Variants in TSC2 observed in about 807,000 individuals in gnomAD.
TSC2 encodes tuberin.
In TSC2, 29 loss-of-function variants were observed where a neutral mutation model predicts 202.2. That is an observed-to-expected ratio of 0.14 (90% CI 0.11 to 0.20). The LOEUF (loss-of-function observed/expected upper bound fraction) is 0.20, where lower values mean the gene tolerates loss of function less well. Among genes scored for constraint, TSC2 ranks in the 10% least tolerant of loss-of-function variants. The pLI, the probability that TSC2 is intolerant of heterozygous loss-of-function variation, is 1.00. For missense variants in TSC2, 2,429 were observed against 2,420.0 expected (o/e 1.00, Z -0.08); for synonymous variants, 1,349 against 1,044.0 (o/e 1.29, Z -5.63).
chr16:2,053,582 T>C, intron 4 of TSC2, 130 bp downstream of exon 4: 1 of 919,584 alleles, frequency 1.1e-6, no homozygotes, highest in Non-Finnish European at 1.7e-6. Flanking sequence ...TGATGGGCTC[T>C]GGAGCTGGAT....
rs56279647 is a variant in TSC2 at position 2,088,881 on chromosome 16, G to GCACACACA, written c.*282_*289dup. The GCACACACA allele has an allele frequency of 2.2e-4, 94 of 421,462 alleles. No individual in the cohort carries two copies. The East Asian group carries it at 2.8e-3, about 13-fold the overall frequency. The allele number at this position is 421,462 out of a possible 1,614,324, so 26.1% of individuals were successfully genotyped here. ...ACAGCACACTCGCGCGTGCGCGCGCGCACACACACACACACACAGTCACCT... is the reference window on the plus strand; with the variant it reads ...ACAGCACACTCGCGCGTGCGCGCGCGCACACACACACACACACACACACACAGTCACCT... On this transcript the variant is annotated 3_prime_UTR_variant, in exon 42 of 42. Coordinates refer to ENST00000219476, the MANE Select transcript of TSC2 (RefSeq NM_000548.5).
chr16:2,082,324 G>C, intron 31 of TSC2, 112 bp from the exon 32 acceptor site: 1 of 1,311,320 alleles, frequency 7.6e-7, no homozygotes, highest in Non-Finnish European at 1.1e-6. Context: ...CGCCCCTGCC[G>C]GCCGCTGGCC....
At chr16:2,069,235 C>T (rs1567452313) in intron 16 of TSC2, among the ~76,000 whole-genome samples, 1 of 152,180 alleles carries the variant, frequency 6.6e-6, no homozygotes, top group Non-Finnish European at 1.5e-5. Context: ...TGTGAACCCC[C>T]ACCTCCACCT....
chr16:2,079,398 CGGG>C lies in TSC2; in HGVS notation c.3257_3259del (p.Gly1086del), dbSNP rs137854302. The C allele has an allele frequency of 5.0e-6, 8 of 1,612,784 alleles. No homozygotes were observed. The highest frequency in any genetic ancestry group is 2.2e-5 in the East Asian group (1 of 44,874). The stretch of plus-strand genomic sequence containing the variant: ...ACCCGGTCGTTACTAGGCCTGGACT[CGGG>C]GGAGCTGCAGTCCGGCCCGGAGTCG... On this transcript the variant is annotated inframe_deletion, in exon 28 of 42. Coordinates refer to ENST00000219476, the MANE Select transcript of TSC2 (RefSeq NM_000548.5). The surrounding 1 kb of genome is among the most constrained non-coding windows in gnomAD (Gnocchi z 4.6).
chr16:2,087,731 C>T lies in TSC2; in HGVS notation c.4990-132C>T, dbSNP rs2091017821. The T allele has an allele frequency of 3.4e-6, 4 of 1,163,894 alleles. No individual in the cohort carries two copies. In the Admixed American group the frequency reaches 6.0e-5, roughly 17 times the overall value. 72.1% of individuals were successfully genotyped at this position (1,163,894 alleles called of 1,614,324 possible). A position where few individuals can be genotyped will look rare whatever the true frequency, so the allele number is the denominator to read the frequency against. On this transcript the variant is annotated intron_variant, in intron 38 of 41. Transcript: ENST00000219476. ...GGCCAGACAAACACAGCCCCGCTGC[C>T]AGAGGGGAAAGTTCAGGGGCAGATG...
intron 41 of TSC2, 43 bp from the exon 42 acceptor site, chr16:2,088,403 C>T (rs1336831986): frequency 1.9e-6 from 3 of 1,612,504 alleles, no homozygotes; most frequent in Admixed American, 3.3e-5. Context: ...AGAGCGGTTG[C>T]CACGCCTCCC....
chr16:2,067,150 A>G (rs1000849074), intron 16 of TSC2, among the ~76,000 whole-genome samples: 1 of 150,780 alleles, frequency 6.6e-6, no homozygotes, highest in Non-Finnish European at 1.5e-5. Flanking sequence ...GAAAGTGGTG[A>G]TGATTTTTTT....
At chr16:2,070,392 G>A (rs976976716) in intron 16 of TSC2, 64 bp from the exon 17 acceptor site, 4 of 1,612,820 alleles carry the variant, frequency 2.5e-6, no homozygotes, top group Non-Finnish European at 3.4e-6. Flanking sequence ...CCGGGACAAG[G>A]GTGCTGTCTT....
At chr16:2,083,291 C>A in intron 32 of TSC2, 1 of 458,340 alleles carries the variant, frequency 2.2e-6, no homozygotes. Flanking sequence ...TGTTTGCAAA[C>A]AGGGACTTCC....
rs9933952 is a variant in TSC2 at position 2,080,547 on chromosome 16, A to C, written c.3610+170A>C. On this transcript the variant is annotated intron_variant, in intron 30 of 41. Transcript: ENST00000219476. Reference sequence around the variant, plus strand: ...GGCCCACGCTGGAACGCAGTGGCGCAATCTCGGCTCACTGCAAGCTCCACC... The same window carrying C: ...GGCCCACGCTGGAACGCAGTGGCGCCATCTCGGCTCACTGCAAGCTCCACC... 9,853 of 753,366 alleles carry C rather than the reference A, an allele frequency of 0.013. 699 individuals carry two copies. The African/African-American group carries it at 0.15, about 12-fold the overall frequency. 46.7% of individuals were successfully genotyped at this position (753,366 alleles called of 1,614,324 possible).
chr16:2,072,533 C>T, intron 20 of TSC2, 170 bp downstream of exon 20: 1 of 1,082,388 alleles, frequency 9.2e-7, no homozygotes, highest in Non-Finnish European at 1.3e-6. Flanking sequence ...TGGAGGGACC[C>T]CTGCCCCAGC....
At position 2,064,387 on chromosome 16, in the gene TSC2, A is replaced by C. The variant is rs1220672669; in HGVS notation, c.1559A>C (p.His520Pro). 1.2e-6 allele frequency: 2 copies of C among 1,613,736 alleles called. No homozygotes were observed. Among genetic ancestry groups the C allele is most frequent in the East Asian group, 2.2e-5 (1 of 44,888 alleles). The change falls in exon 15 of 42, where the codon CAC (histidine) becomes CCC (proline). Residue 520 changes from histidine to proline, a missense_variant. His to Pro is a moderately conservative substitution (Grantham distance 77, BLOSUM62 -2). Coordinates refer to ENST00000219476, the MANE Select transcript of TSC2 (RefSeq NM_000548.5). The stretch of plus-strand genomic sequence containing the variant: ...CTGGTGGACCTGGCAGAGGGCTGCC[A>C]CACACACCACTTCAACAGCCTGCTG... ...QLLVDLAEGC[H>P]THHFNSLLDI...
intron 17 of TSC2, 105 bp downstream of exon 17, chr16:2,070,683 G>T: frequency 6.4e-7 from 1 of 1,559,780 alleles, no homozygotes; most frequent in East Asian, 2.4e-5. Flanking sequence ...CCAGGATGGG[G>T]CCTCAGCTGA....
rs2091350325 is a variant in TSC2 at position 2,089,472 on chromosome 16, A to C, written c.*862A>C. ...ACCTGAGGACTCGGGGAAATAAATT[A>C]GCATCTCAGAGGCTAGAAACCGTCC... is the stretch of plus-strand genomic sequence containing the variant. On this transcript the variant is annotated 3_prime_UTR_variant, in exon 42 of 42. Coordinates refer to ENST00000219476, the MANE Select transcript of TSC2 (RefSeq NM_000548.5). 1.8e-6 allele frequency: 1 copy of C among 554,096 alleles called. No individual in the cohort carries two copies. Among genetic ancestry groups the C allele is most frequent in the African/African-American group, 1.9e-5 (1 of 52,842 alleles). 34.3% of individuals were successfully genotyped at this position (554,096 alleles called of 1,614,324 possible).
chr16:2,066,025 C>T (rs1437535304), intron 16 of TSC2, among the ~76,000 whole-genome samples: 1 of 152,188 alleles, frequency 6.6e-6, no homozygotes, highest in Non-Finnish European at 1.5e-5. Context: ...ATGCAATTTA[C>T]CCATTCACAG....
chr16:2,060,086 G>T (rs998088604), intron 10 of TSC2, among the ~76,000 whole-genome samples: 1 of 152,214 alleles, frequency 6.6e-6, no homozygotes, highest in Non-Finnish European at 1.5e-5. Flanking sequence ...GTTTTGTCAA[G>T]TGCTGGTCTT....
intron 3 of TSC2, among the ~76,000 whole-genome samples, chr16:2,052,468 C>T (rs1213649232): frequency 2.0e-5 from 3 of 152,142 alleles, no homozygotes; most frequent in Non-Finnish European, 2.9e-5. Context: ...CAGCACCACG[C>T]CTGGCTAAGT....
In TSC2 at chr16:2,088,641, G is replaced by C; in HGVS notation, c.*31G>C. 6.3e-7 allele frequency: 1 copy of C among 1,588,314 alleles called. No individual in the cohort carries two copies. The highest frequency in any genetic ancestry group is 8.5e-7 in the Non-Finnish European group (1 of 1,174,536). On this transcript the variant is annotated 3_prime_UTR_variant, in exon 42 of 42. Transcript: ENST00000219476. The stretch of plus-strand genomic sequence containing the variant: ...GGGCCCTCCCTCCTGCACTGGCCTT[G>C]GACGGTATTGCCTGTCAGTGAAATA...
Position 2,074,243 on chromosome 16 carries a change from G to A in TSC2, c.2399G>A (p.Cys800Tyr), listed in dbSNP as rs746044783. The part of the protein sequence containing the change: ...YCLEQGLIHR[C>Y]ASQCVVALSI... ...CTGGAGCAGGGCCTCATCCACCGCT[G>A]TGCCAGCCAGTGCGTCGTGGCCTTG... Residue 800 changes from cysteine (C) to tyrosine (Y), a missense_variant, in exon 22 of 42, where the codon TGT becomes TAT. Coordinates refer to ENST00000219476, the MANE Select transcript of TSC2 (RefSeq NM_000548.5). 6.2e-7 allele frequency: 1 copy of A among 1,612,540 alleles called. No homozygotes were observed. The highest frequency in any genetic ancestry group is 8.5e-7 in the Non-Finnish European group (1 of 1,180,018).
Sources: allele counts gnomAD v4.1 joint callset (sites outside exome capture counted in the v4.1 genomes callset), GRCh38; gene constraint gnomAD v4.1.1; non-coding constraint Gnocchi (gnomAD v3.1); transcripts MANE v1.5; gene names NCBI Gene and HGNC (gene_info 2026-07-23, HGNC 2026-07-21).